CFAP221: variants seen among roughly 807,000 people sequenced by gnomAD.
CFAP221 encodes the protein cilia- and flagella-associated protein 221.
Under a neutral mutation model 113.1 loss-of-function variants are expected in CFAP221, and 97 were observed. The ratio of observed to expected loss-of-function variants is 0.86; its 90% CI spans 0.73 to 1.02. The LOEUF is 1.02. CFAP221 is among the 50% of genes least tolerant of loss of function. The probability of loss-of-function intolerance (pLI) is 0.00; values close to 1 mark genes in which losing one functional copy is unlikely to be tolerated. For synonymous variants in CFAP221, 331 were observed against 354.4 expected, an observed-to-expected ratio of 0.93 and a Z score of 0.74; for missense variants, 1,025 against 1,013.4, an observed-to-expected ratio of 1.01 and a Z score of -0.16.
intron 7 of CFAP221, 130 bp from the exon 8 acceptor site, chr2:119,601,088 A>G (rs1196592507): frequency 1.8e-5 from 17 of 920,510 alleles, no homozygotes; most frequent in Admixed American, 1.4e-4. Context: ...TGGATTTTCA[A>G]TTGTGTGGGG....
chr2:119,627,564 G>T, intron 15 of CFAP221, 89 bp from the exon 16 acceptor site: 3 of 1,233,750 alleles, frequency 2.4e-6, no homozygotes, highest in Middle Eastern at 2.0e-4. Flanking sequence ...CCCACTAATT[G>T]GTATATGGAA....
intron 21 of CFAP221, among the ~76,000 whole-genome samples, chr2:119,641,508 A>C (rs1687487986): frequency 6.6e-6 from 1 of 152,154 alleles, no homozygotes; most frequent in African/African-American, 2.4e-5. Flanking sequence ...TCCATTGTAC[A>C]CTGGATGTAT....
At chr2:119,635,889 G>A (rs990808675) in intron 19 of CFAP221, among the ~76,000 whole-genome samples, 3 of 152,146 alleles carry the variant, frequency 2.0e-5, no homozygotes, top group Non-Finnish European at 4.4e-5. Context: ...GTGCAGTTGA[G>A]AGTCTCGAAG....
intron 13 of CFAP221, 80 bp downstream of exon 13, chr2:119,611,822 A>T: frequency 9.7e-7 from 1 of 1,029,128 alleles, no homozygotes; most frequent in Non-Finnish European, 1.5e-6. Flanking sequence ...AAACAATTTT[A>T]TAGAAATCCT....
downstream of CFAP221, among the ~76,000 whole-genome samples, chr2:119,656,940 C>T (rs957258768): frequency 3.9e-5 from 6 of 152,022 alleles, no homozygotes; most frequent in Admixed American, 3.9e-4. Context: ...TGGCAGGGGA[C>T]CTGGACCTGG....
chr2:119,579,695 C>G (rs1470405659), intron 6 of CFAP221, among the ~76,000 whole-genome samples: 2 of 152,146 alleles, frequency 1.3e-5, no homozygotes, highest in Non-Finnish European at 2.9e-5. Context: ...AACTTGGCTT[C>G]AAATAATTAT....
chr2:119,646,853 G>T, intron 21 of CFAP221, 105 bp from the exon 22 acceptor site: 3 of 976,676 alleles, frequency 3.1e-6, no homozygotes, highest in Non-Finnish European at 4.6e-6. Flanking sequence ...CAGAGTAGTA[G>T]AGGCCTCGCC....
chr2:119,656,179 T>G, intron 23 of CFAP221, 183 bp from the exon 24 acceptor site: 1 of 559,822 alleles, frequency 1.8e-6, no homozygotes, highest in Non-Finnish European at 3.2e-6. Context: ...GAAGCCAGGT[T>G]TGAATCATTC....
chr2:119,613,134 G>A (rs1685294302), intron 13 of CFAP221, among the ~76,000 whole-genome samples: 1 of 152,232 alleles, frequency 6.6e-6, no homozygotes, highest in Non-Finnish European at 1.5e-5. Context: ...GCTGATGCAA[G>A]GGATGGGCTC....
intron 3 of CFAP221, among the ~76,000 whole-genome samples, chr2:119,553,232 A>G (rs1221231403): frequency 1.3e-5 from 2 of 152,148 alleles, no homozygotes; most frequent in Non-Finnish European, 2.9e-5. Context: ...GGGTAGCCCA[A>G]AAGCCAAGTA....
intron 3 of CFAP221, among the ~76,000 whole-genome samples, chr2:119,558,316 G>T (rs531719651): frequency 6.6e-6 from 1 of 152,260 alleles, no homozygotes; most frequent in Non-Finnish European, 1.5e-5. Flanking sequence ...TCTCTCAAAA[G>T]GGCTGCTCTC....
intron 6 of CFAP221, among the ~76,000 whole-genome samples, chr2:119,568,814 A>C (rs957263464): frequency 1.3e-5 from 2 of 152,116 alleles, no homozygotes; most frequent in Admixed American, 6.6e-5. Context: ...TTCTTTATGT[A>C]AGTTCAAGTT....
rs1311169798 is a variant in CFAP221, at chr2:119,613,877, CA to C, written c.1312-1731del. Among the ~76,000 whole-genome samples the C allele has an allele frequency of 2.6e-5, 4 of 152,196 alleles. No individual in the cohort carries two copies. In the East Asian group the frequency reaches 5.8e-4, roughly 22 times the overall value. The stretch of plus-strand genomic sequence containing the variant: ...TTACATCATCATGCTGCTAATTTTC[CA>C]AACTTTTATGCTCTGCTTCCCTTTT... On this transcript the variant is annotated intron_variant, in intron 13 of 23. Transcript: ENST00000413369.
At chr2:119,571,133 CTTTTTTTTTTTT>C (rs34017847) in intron 6 of CFAP221, among the ~76,000 whole-genome samples, 3 of 93,132 alleles carry the variant, frequency 3.2e-5, no homozygotes, top group African/African-American at 4.4e-5. Flanking sequence ...TAACAACCCC[CTTTTTTTTTTTT>C]TTTTTTTTTT....
chr2:119,587,350 T>G, intron 7 of CFAP221, 128 bp downstream of exon 7: 2 of 526,364 alleles, frequency 3.8e-6, no homozygotes, highest in Non-Finnish European at 6.3e-6. Context: ...ATTGGACACG[T>G]CAGAATAACG....
At chr2:119,659,448 C>T (rs187647008), downstream of CFAP221, among the ~76,000 whole-genome samples, 1,097 of 34,012 alleles carry the variant, frequency 0.032, 6 homozygotes, top group Middle Eastern at 0.16. Flanking sequence ...TTTCAGGGTA[C>T]GTGGAACATT....
chr2:119,655,247 C>T lies in CFAP221; in HGVS notation c.2415-1115C>T, dbSNP rs147709494. On this transcript the variant is annotated intron_variant, in intron 23 of 23. Coordinates refer to ENST00000413369, the MANE Select transcript of CFAP221 (RefSeq NM_001271049.2). ...CCTTTCAAGACCCACAGGGGAATCACATTCCCCACAAAATGTTCAAGGAAC... is the reference window on the plus strand; with the variant it reads ...CCTTTCAAGACCCACAGGGGAATCATATTCCCCACAAAATGTTCAAGGAAC... Among the ~76,000 whole-genome samples the T allele has an allele frequency of 8.9e-4, 136 of 152,338 alleles. 3 individuals are homozygous for T. The highest frequency in any genetic ancestry group is 2.9e-3 in the African/African-American group (119 of 41,588).
intron 22 of CFAP221, among the ~76,000 whole-genome samples, chr2:119,650,033 A>T (rs1688034340): frequency 6.6e-6 from 1 of 152,254 alleles, no homozygotes; most frequent in African/African-American, 2.4e-5. Context: ...TATCACTGTC[A>T]TGATCAGACT....
At chr2:119,643,669 G>C (rs1574222540) in intron 21 of CFAP221, among the ~76,000 whole-genome samples, 1 of 152,134 alleles carries the variant, frequency 6.6e-6, no homozygotes, top group Non-Finnish European at 1.5e-5. Flanking sequence ...TCAGCCTCCT[G>C]AGTAGCTAGG....
Sources: allele counts gnomAD v4.1 joint callset (sites outside exome capture counted in the v4.1 genomes callset), GRCh38; gene constraint gnomAD v4.1.1; transcripts MANE v1.5; gene names NCBI Gene and HGNC (gene_info 2026-07-23, HGNC 2026-07-21).